The following TEX11 variants were observed in gnomAD, a reference collection of about 807,000 sequenced individuals.
TEX11 encodes the protein testis expressed 11, also known as testis-expressed protein 11.
Under a neutral mutation model 84.4 loss-of-function variants are expected in TEX11, and 7 were observed. The observed-to-expected ratio is 0.08, with a 90% CI of 0.05 to 0.16. The LOEUF (loss-of-function observed/expected upper bound fraction) is 0.16, where lower values mean the gene tolerates loss of function less well. Among genes scored for constraint, TEX11 ranks in the 10% least tolerant of loss-of-function variants. TEX11 has a pLI of 1.00. For missense variants in TEX11, 551 were observed against 660.5 expected (o/e 0.83, Z 1.82); for synonymous variants, 264 against 222.8 (o/e 1.18, Z -1.64).
chrX:70,748,460 C>G (rs777747429), intron 9 of TEX11, among the ~76,000 whole-genome samples: 1 of 111,777 alleles, frequency 8.9e-6, no homozygotes, highest in African/African-American at 3.2e-5. Flanking sequence ...AATTTGTTGC[C>G]ATTGCTTTTG....
chrX:70,805,396 AT>A (rs1239950199), intron 9 of TEX11, among the ~76,000 whole-genome samples: 272 of 103,269 alleles, frequency 2.6e-3, no homozygotes, highest in African/African-American at 7.4e-3. Context: ...TCCATGATCC[AT>A]TTTTTTTTCT....
intron 17 of TEX11, among the ~76,000 whole-genome samples, chrX:70,634,885 A>G (rs2089552737): frequency 8.9e-6 from 1 of 112,524 alleles, no homozygotes; most frequent in Non-Finnish European, 1.9e-5. Context: ...TGCCAAAAGC[A>G]CAATCCATAA....
chrX:70,689,716 C>T (rs1009824274), intron 13 of TEX11, among the ~76,000 whole-genome samples: 2 of 111,500 alleles, frequency 1.8e-5, no homozygotes, highest in Non-Finnish European at 3.8e-5. Context: ...AACAAATTAA[C>T]GAATTAGGGA....
chrX:70,799,991 A>T (rs2091177560), intron 9 of TEX11, among the ~76,000 whole-genome samples: 1 of 110,364 alleles, frequency 9.1e-6, no homozygotes, highest in Non-Finnish European at 1.9e-5. Flanking sequence ...CTTCAACATC[A>T]TTTCGTCCCT....
At chrX:70,724,354 C>T (rs968777117) in intron 12 of TEX11, 1 of 342,110 alleles carries the variant, frequency 2.9e-6, no homozygotes, top group African/African-American at 2.9e-5. Context: ...AAGTGATTGG[C>T]TAAAATTCTA....
intron 26 of TEX11, 44 bp from the exon 27 acceptor site, chrX:70,553,458 C>A: frequency 2.1e-6 from 2 of 933,048 alleles, no homozygotes; most frequent in Non-Finnish European, 1.5e-6. Flanking sequence ...GATAATGTCA[C>A]CCATCACAGT....
chrX:70,843,674 C>T (rs1174220604), intron 7 of TEX11, among the ~76,000 whole-genome samples: 1 of 111,307 alleles, frequency 9.0e-6, no homozygotes, highest in African/African-American at 3.3e-5. Context: ...AACAGGCAAC[C>T]TACAAAATGG....
chrX:70,523,579 T>C, the TEX11 span, among the ~76,000 whole-genome samples: 1 of 110,591 alleles, frequency 9.0e-6, no homozygotes, highest in Non-Finnish European at 1.9e-5. Context: ...TTCTCCTGCC[T>C]CAGCCTCCCG....
intron 28 of TEX11, among the ~76,000 whole-genome samples, chrX:70,539,866 A>G (rs1196684217): frequency 1.8e-5 from 2 of 111,662 alleles, no homozygotes; most frequent in Admixed American, 9.6e-5. Context: ...TAGAGATGCC[A>G]ACAGACATAG....
At chrX:70,630,766 C>T (rs2089502383) in intron 17 of TEX11, among the ~76,000 whole-genome samples, 1 of 111,369 alleles carries the variant, frequency 9.0e-6, no homozygotes, top group Non-Finnish European at 1.9e-5. Context: ...AAATATATGC[C>T]ACCTACAAGA....
intron 10 of TEX11, among the ~76,000 whole-genome samples, chrX:70,742,717 T>G (rs917940731): frequency 2.7e-5 from 3 of 109,998 alleles, no homozygotes; most frequent in Non-Finnish European, 5.7e-5. Flanking sequence ...GACAAGACCC[T>G]GTCTCAAAAA....
At chrX:70,836,222 C>G (rs2091404891) in intron 7 of TEX11, among the ~76,000 whole-genome samples, 1 of 110,062 alleles carries the variant, frequency 9.1e-6, no homozygotes, top group African/African-American at 3.3e-5. Context: ...CAGAAATTAA[C>G]ATGCTGATCT....
chrX:70,655,937 A>G (rs2089860401), intron 16 of TEX11, among the ~76,000 whole-genome samples: 1 of 111,494 alleles, frequency 9.0e-6, no homozygotes, highest in Non-Finnish European at 1.9e-5. Context: ...CCAAAACACC[A>G]CTTTAATTCA....
At chrX:70,652,113 G>GGCA (rs1315638620) in intron 16 of TEX11, among the ~76,000 whole-genome samples, 1 of 110,999 alleles carries the variant, frequency 9.0e-6, no homozygotes, top group Non-Finnish European at 1.9e-5. Context: ...CTGAATAGAA[G>GGCA]GCAGCACAAT....
chrX:70,892,211 G>T (rs1821736488), intron 2 of TEX11, among the ~76,000 whole-genome samples: 2 of 111,564 alleles, frequency 1.8e-5, no homozygotes, highest in African/African-American at 6.5e-5. Flanking sequence ...GAGGGATTTT[G>T]TCACCACCGG....
intron 25 of TEX11, among the ~76,000 whole-genome samples, chrX:70,566,712 AT>A (rs2088486184): frequency 9.0e-6 from 1 of 111,213 alleles, no homozygotes; most frequent in Non-Finnish European, 1.9e-5. Context: ...ACATTTATTG[AT>A]TTGCATATAT....
At chrX:70,742,563 C>A (rs1357861866) in intron 10 of TEX11, among the ~76,000 whole-genome samples, 1 of 108,768 alleles carries the variant, frequency 9.2e-6, no homozygotes, top group Non-Finnish European at 1.9e-5. Flanking sequence ...ACCCCCGTCT[C>A]TATAAAAAAT....
intron 9 of TEX11, among the ~76,000 whole-genome samples, chrX:70,755,472 C>A (rs2090860633): frequency 9.0e-6 from 1 of 111,022 alleles, no homozygotes; most frequent in South Asian, 3.8e-4. Context: ...AATATACGGT[C>A]AGAGGAGACA....
intron 11 of TEX11, among the ~76,000 whole-genome samples, chrX:70,733,262 A>T (rs2090668879): frequency 8.9e-6 from 1 of 111,969 alleles, no homozygotes; most frequent in Non-Finnish European, 1.9e-5. Flanking sequence ...CATGTCTAAA[A>T]CACCAAAAGC....
Sources: allele counts gnomAD v4.1 joint callset (sites outside exome capture counted in the v4.1 genomes callset), GRCh38; gene constraint gnomAD v4.1.1; transcripts MANE v1.5; gene names NCBI Gene and HGNC (gene_info 2026-07-23, HGNC 2026-07-21).